The following TNS1 variants were observed in gnomAD, a reference collection of about 807,000 sequenced individuals.
TNS1 encodes the protein tensin-1.
In TNS1, 62 loss-of-function variants were observed where a neutral mutation model predicts 168.6. The ratio of observed to expected loss-of-function variants is 0.37; its 90% confidence interval spans 0.30 to 0.45. The LOEUF is 0.45. Among genes scored for constraint, TNS1 ranks in the 20% least tolerant of loss-of-function variants. TNS1 has a pLI of 1.00. For synonymous variants in TNS1, 934 were observed against 933.2 expected (o/e 1.00, Z -0.02); for missense variants, 2,240 against 2,339.4 (o/e 0.96, Z 0.88).
rs1950575176 is a variant in TNS1, at chr2:217,880,408, G to A, written c.1429+490C>T. Among the ~76,000 whole-genome samples, 1 of 152,152 alleles carries A rather than the reference G, an allele frequency of 6.6e-6. No individual in the cohort carries two copies. On this transcript the variant is annotated intron_variant, in intron 18 of 32. Coordinates refer to ENST00000682258, the MANE Select transcript of TNS1 (RefSeq NM_001387777.1). This position sits in a 1 kb window ranked among gnomAD's most constrained non-coding sequence, Gnocchi z 4.2. ...TGAAAGCTTGTAGGCCCTAGATCCT[G>A]TGCCTCTGTTCCTAGTACTCTGACC...
chr2:217,867,568 A>G (rs1949388145), intron 18 of TNS1, among the ~76,000 whole-genome samples: 1 of 152,266 alleles, frequency 6.6e-6, no homozygotes. Context: ...TTTACAATGT[A>G]TCATTCTATA....
chr2:218,031,752 G>T (rs1322074480), intron 1 of TNS1, among the ~76,000 whole-genome samples: 2 of 152,204 alleles, frequency 1.3e-5, no homozygotes, highest in African/African-American at 4.8e-5. Flanking sequence ...AGTCAGACCA[G>T]ATCCTAGAAC....
intron 4 of TNS1, among the ~76,000 whole-genome samples, chr2:217,911,853 G>T (rs1018780604): frequency 3.3e-5 from 5 of 152,188 alleles, no homozygotes; most frequent in Non-Finnish European, 5.9e-5. Flanking sequence ...AAAATTGAAG[G>T]CCAGTTATAG....
chr2:217,985,048 C>A (rs1958159125), intron 2 of TNS1, among the ~76,000 whole-genome samples: 1 of 151,582 alleles, frequency 6.6e-6, no homozygotes, highest in South Asian at 2.1e-4. Context: ...TGAGCCACCA[C>A]ACCTGGCACC....
chr2:217,809,101 T>G (rs1305192409), intron 30 of TNS1, among the ~76,000 whole-genome samples: 2 of 152,088 alleles, frequency 1.3e-5, no homozygotes, highest in Non-Finnish European at 2.9e-5. Context: ...GATGGATAGA[T>G]GAATGGAGAT....
In TNS1 at chr2:217,880,073, C is replaced by T. The variant is rs977454833; in HGVS notation, c.1429+825G>A. On this transcript the variant is annotated intron_variant, in intron 18 of 32. Transcript: ENST00000682258. The surrounding 1 kb of genome is among the most constrained non-coding windows in gnomAD (Gnocchi z 4.2). ...CCAGCTCCAACATTCTGCAGTCCTA[C>T]GACCAACTCAAGAAAAGAAGCTTGT... 5.3e-5 allele frequency among the ~76,000 whole-genome samples: 8 copies of T among 152,206 alleles called. No homozygotes were observed. The highest frequency in any genetic ancestry group is 9.6e-5 in the African/African-American group (4 of 41,452).
chr2:217,804,859 G>C (rs1574516373), intron 32 of TNS1, among the ~76,000 whole-genome samples: 1 of 152,168 alleles, frequency 6.6e-6, no homozygotes, highest in Non-Finnish European at 1.5e-5. Context: ...GGTGCGAGGG[G>C]AGCTGCAGAG....
At chr2:217,894,891 G>A (rs532410214) in intron 9 of TNS1, 115 bp downstream of exon 9, 55 of 995,952 alleles carry the variant, frequency 5.5e-5, no homozygotes, top group African/African-American at 1.4e-4. Context: ...GATATAAGTC[G>A]GCACTCTGAC....
At chr2:217,917,829 CAAAAAAAAA>C (rs79888115) in intron 4 of TNS1, among the ~76,000 whole-genome samples, 2 of 75,972 alleles carry the variant, frequency 2.6e-5, no homozygotes, top group African/African-American at 4.5e-5. Context: ...AGACTGTTCT[CAAAAAAAAA>C]AAAAAAAAAA....
chr2:217,898,030 A>C (rs1277291552), intron 7 of TNS1, 61 bp from the exon 8 acceptor site: 1 of 1,518,294 alleles, frequency 6.6e-7, no homozygotes, highest in Non-Finnish European at 8.8e-7. Flanking sequence ...GGAAGGCCCC[A>C]GATAGCTGCA....
At chr2:217,964,432 G>A (rs1028895403) in intron 3 of TNS1, among the ~76,000 whole-genome samples, 1 of 152,170 alleles carries the variant, frequency 6.6e-6, no homozygotes, top group African/African-American at 2.4e-5. Flanking sequence ...CTCTCCCTAA[G>A]CCTGGGCTCA....
At chr2:217,922,235 C>T (rs1015773966) in intron 3 of TNS1, among the ~76,000 whole-genome samples, 3 of 152,190 alleles carry the variant, frequency 2.0e-5, no homozygotes, top group African/African-American at 4.8e-5. Context: ...CCCACGAGAC[C>T]AGGTCTCAGC....
At chr2:218,007,569 G>C (rs956975869), upstream of TNS1, among the ~76,000 whole-genome samples, 12 of 122,298 alleles carry the variant, frequency 9.8e-5, no homozygotes, top group East Asian at 3.5e-3. Context: ...CGGGGGGTGG[G>C]GGGGGGGGTT....
At chr2:218,016,157 C>T (rs1269336170) in intron 1 of TNS1, among the ~76,000 whole-genome samples, 1 of 152,146 alleles carries the variant, frequency 6.6e-6, no homozygotes, top group Non-Finnish European at 1.5e-5. Context: ...CACTGCAGCC[C>T]CCTCCCCTTC....
At chr2:218,004,375 C>A (rs755670954), upstream of TNS1, among the ~76,000 whole-genome samples, 13 of 151,746 alleles carry the variant, frequency 8.6e-5, no homozygotes, top group African/African-American at 1.2e-4. Flanking sequence ...GCCTCCCCCC[C>A]CCACTCACCC....
At chr2:217,856,114 G>C (rs2125499035) in intron 18 of TNS1, among the ~76,000 whole-genome samples, 1 of 152,324 alleles carries the variant, frequency 6.6e-6, no homozygotes, top group South Asian at 2.1e-4. Context: ...TTAGGGTGCT[G>C]TCTCTGGGGA....
rs1467919727 is a variant in TNS1, at chr2:217,966,306, T to TGCGCGCGC, written c.186+12458_186+12459insGCGCGCGC. ...GTGTGTGTGTGTGTGTGTGTGTGTG[T>TGCGCGCGC]GTGCGCGCGCGCGCGTGTGTAAGGA... On this transcript the variant is annotated intron_variant, in intron 3 of 32. Transcript: ENST00000682258. 4.4e-5 allele frequency among the ~76,000 whole-genome samples: 6 copies of TGCGCGCGC among 135,286 alleles called. No homozygotes were observed. The East Asian group carries it at 1.3e-3, about 30-fold the overall frequency. 88.8% of individuals were successfully genotyped at this position (135,286 alleles called of 152,430 possible). A position where few individuals can be genotyped will look rare whatever the true frequency, so the allele number is the denominator to read the frequency against.
intron 3 of TNS1, among the ~76,000 whole-genome samples, chr2:217,946,959 T>TCACACACACACACACA (rs1203032369): frequency 3.9e-5 from 5 of 128,726 alleles, no homozygotes; most frequent in African/African-American, 2.1e-4. Context: ...TCTCTCTCTC[T>TCACACACACACACACA]CTCTCTCTCT....
chr2:217,972,200 T>C (rs1245611873), intron 3 of TNS1, among the ~76,000 whole-genome samples: 1 of 152,200 alleles, frequency 6.6e-6, no homozygotes, highest in Non-Finnish European at 1.5e-5. Context: ...AAGCTGGGGC[T>C]CAGAGAGGTT....
Sources: gnomAD v4.1 joint callset for allele counts (sites outside exome capture counted in the v4.1 genomes callset) on GRCh38, gnomAD v4.1.1 for gene constraint, Gnocchi (gnomAD v3.1) non-coding constraint, MANE v1.5 for transcripts, NCBI Gene and HGNC (gene_info 2026-07-23, HGNC 2026-07-21) for gene names.